IL1RAPL1: variants seen among roughly 807,000 people sequenced by gnomAD.
IL1RAPL1 encodes the protein interleukin-1 receptor accessory protein-like 1.
In IL1RAPL1, 3 loss-of-function variants were observed where a neutral mutation model predicts 48.4. The observed-to-expected ratio is 0.06, with a 90% CI of 0.03 to 0.16. IL1RAPL1 has a LOEUF of 0.16. IL1RAPL1 is among the 10% of genes least tolerant of loss of function. The pLI, the probability that IL1RAPL1 is intolerant of heterozygous loss-of-function variation, is 1.00. For synonymous variants in IL1RAPL1, 185 were observed against 187.7 expected (o/e 0.99, Z 0.12); for missense variants, 349 against 530.6 (o/e 0.66, Z 3.36).
At chrX:29,116,272 T>A (rs1928677101) in intron 2 of IL1RAPL1, among the ~76,000 whole-genome samples, 1 of 110,764 alleles carries the variant, frequency 9.0e-6, no homozygotes, top group Admixed American at 9.7e-5. Flanking sequence ...ATGATCAAAA[T>A]GATACTTTAG....
At chrX:28,666,120 C>G (rs1488113499) in intron 1 of IL1RAPL1, among the ~76,000 whole-genome samples, 1 of 111,623 alleles carries the variant, frequency 9.0e-6, no homozygotes, top group Non-Finnish European at 1.9e-5. Context: ...CAGCCCTTTT[C>G]TGGTCCCCAC....
At chrX:29,825,166 C>T (rs375163940) in intron 6 of IL1RAPL1, among the ~76,000 whole-genome samples, 1 of 110,640 alleles carries the variant, frequency 9.0e-6, no homozygotes, top group Non-Finnish European at 1.9e-5. Flanking sequence ...TATCTCAGGA[C>T]TATCAACATT....
At chrX:28,795,006 C>T (rs1936593514) in intron 2 of IL1RAPL1, among the ~76,000 whole-genome samples, 1 of 111,243 alleles carries the variant, frequency 9.0e-6, no homozygotes, top group Non-Finnish European at 1.9e-5. Flanking sequence ...CCTAGTCCCC[C>T]AGCATCTGCC....
chrX:29,894,775 C>CA (rs201065608), intron 6 of IL1RAPL1, among the ~76,000 whole-genome samples: 4,436 of 111,156 alleles, frequency 0.04, 225 homozygotes, highest in African/African-American at 0.14. Context: ...ATTGTACACA[C>CA]AAAAAATATT....
intron 2 of IL1RAPL1, among the ~76,000 whole-genome samples, chrX:28,910,596 G>A (rs926336544): frequency 8.5e-5 from 9 of 106,432 alleles, no homozygotes; most frequent in African/African-American, 2.7e-4. Flanking sequence ...AAAAAAAAAC[G>A]TTTTGTAAAG....
chrX:29,739,746 A>T (rs1928148105), intron 6 of IL1RAPL1, among the ~76,000 whole-genome samples: 1 of 111,091 alleles, frequency 9.0e-6, no homozygotes, highest in South Asian at 3.8e-4. Flanking sequence ...GTATAGCAAA[A>T]GAGTTTTAGT....
intron 2 of IL1RAPL1, among the ~76,000 whole-genome samples, chrX:28,932,890 C>A (rs190100924): frequency 1.2e-4 from 13 of 110,498 alleles, no homozygotes; most frequent in African/African-American, 4.3e-4. Flanking sequence ...TTCAAAATGC[C>A]AAAGTTATCA....
intron 3 of IL1RAPL1, among the ~76,000 whole-genome samples, chrX:29,317,891 T>C (rs1352150116): frequency 2.7e-5 from 3 of 112,130 alleles, no homozygotes; most frequent in Non-Finnish European, 5.6e-5. Context: ...CATTAATATA[T>C]GTGATACATT....
chrX:29,589,806 C>G (rs1221589929), intron 5 of IL1RAPL1, among the ~76,000 whole-genome samples: 5 of 111,268 alleles, frequency 4.5e-5, no homozygotes, highest in Admixed American at 2.9e-4. Context: ...AAACAACAGA[C>G]CAACTAATTT....
At chrX:28,906,043 A>G (rs1457098828) in intron 2 of IL1RAPL1, among the ~76,000 whole-genome samples, 2 of 112,285 alleles carry the variant, frequency 1.8e-5, no homozygotes, top group Non-Finnish European at 3.8e-5. Flanking sequence ...GAAACTCACA[A>G]TCATGATGGA....
chrX:29,488,867 C>T (rs1485788585), intron 5 of IL1RAPL1, among the ~76,000 whole-genome samples: 2 of 112,097 alleles, frequency 1.8e-5, no homozygotes, highest in East Asian at 2.8e-4. Context: ...GGGGAGACGC[C>T]CCTTTGGGAC....
chrX:28,851,737 G>A (rs1921668152), intron 2 of IL1RAPL1, among the ~76,000 whole-genome samples: 1 of 111,595 alleles, frequency 9.0e-6, no homozygotes, highest in African/African-American at 3.3e-5. Flanking sequence ...AACTCTGGTG[G>A]CTACAAAGTG....
chrX:29,158,895 C>T (rs867773879), intron 2 of IL1RAPL1, among the ~76,000 whole-genome samples: 1 of 85,189 alleles, frequency 1.2e-5, no homozygotes, highest in East Asian at 3.6e-4. Flanking sequence ...TCTTTCTTTT[C>T]TTTTTTCTTT....
chrX:28,959,767 G>C (rs1189453533), intron 2 of IL1RAPL1, among the ~76,000 whole-genome samples: 1 of 111,415 alleles, frequency 9.0e-6, no homozygotes, highest in Non-Finnish European at 1.9e-5. Flanking sequence ...ACTGTATTTT[G>C]GATATTTTTT....
intron 5 of IL1RAPL1, among the ~76,000 whole-genome samples, chrX:29,586,368 T>G (rs1452057369): frequency 1.8e-5 from 2 of 111,632 alleles, no homozygotes; most frequent in Non-Finnish European, 3.8e-5. Flanking sequence ...ATACATGGAT[T>G]TATTTCTGGG....
In IL1RAPL1 at chrX:28,665,972, C is replaced by T. The variant is rs553238201; in HGVS notation, c.-25+77925C>T. 4.5e-5 allele frequency among the ~76,000 whole-genome samples: 5 copies of T among 112,235 alleles called. No homozygotes were observed. In the Admixed American group the frequency reaches 4.7e-4, roughly 11 times the overall value. The stretch of plus-strand genomic sequence containing the variant: ...GCACGCGCACTCTGGTGCTTGCCCA[C>T]GCTGCACTGGCCTACACTGGCCCAC... On this transcript the variant is annotated intron_variant, in intron 1 of 10. Transcript: ENST00000378993.
chrX:29,779,488 A>G (rs1929284105), intron 6 of IL1RAPL1, among the ~76,000 whole-genome samples: 2 of 111,413 alleles, frequency 1.8e-5, no homozygotes, highest in East Asian at 2.8e-4. Flanking sequence ...TAAACTGCCT[A>G]TAGGCTACTA....
intron 6 of IL1RAPL1, among the ~76,000 whole-genome samples, chrX:29,742,649 GA>G (rs1928235363): frequency 9.0e-6 from 1 of 110,904 alleles, no homozygotes; most frequent in Admixed American, 9.6e-5. Context: ...AAACAGAATG[GA>G]AAAAAAATCT....
At chrX:29,909,687 A>C (rs770106253) in intron 6 of IL1RAPL1, among the ~76,000 whole-genome samples, 1 of 112,202 alleles carries the variant, frequency 8.9e-6, no homozygotes, top group Non-Finnish European at 1.9e-5. Flanking sequence ...AGATAAAAAT[A>C]ATCAATATTG....
Sources: gnomAD v4.1 joint callset for allele counts (sites outside exome capture counted in the v4.1 genomes callset) on GRCh38, gnomAD v4.1.1 for gene constraint, MANE v1.5 for transcripts, NCBI Gene and HGNC (gene_info 2026-07-23, HGNC 2026-07-21) for gene names.